BBOX1: variants seen among roughly 807,000 people sequenced by gnomAD.
The protein encoded by BBOX1 is gamma-butyrobetaine hydroxylase 1, also known as gamma-butyrobetaine dioxygenase.
Under a neutral mutation model 41.6 loss-of-function variants are expected in BBOX1, and 35 were observed. That is an observed-to-expected ratio of 0.84 (90% CI 0.64 to 1.11). The LOEUF (loss-of-function observed/expected upper bound fraction) is 1.11. Among genes scored for constraint, BBOX1 ranks in the 50% most tolerant of loss-of-function variants. The pLI is 0.00. For missense variants in BBOX1, 458 were observed against 460.6 expected, an observed-to-expected ratio of 0.99 and a Z score of 0.05; for synonymous variants, 163 against 154.7, an observed-to-expected ratio of 1.05 and a Z score of -0.40.
chr11:27,101,281 C>T (rs1274440417), intron 5 of BBOX1, among the ~76,000 whole-genome samples: 32 of 152,076 alleles, frequency 2.1e-4, no homozygotes, highest in Admixed American at 2.1e-3. Flanking sequence ...ATATTCATTG[C>T]TTTCTCCTAA....
intron 8 of BBOX1, 67 bp from the exon 9 acceptor site, chr11:27,127,226 A>T: frequency 6.6e-7 from 1 of 1,518,808 alleles, no homozygotes; most frequent in Non-Finnish European, 9.0e-7. Context: ...TTTGCATGTT[A>T]CATTTTCTAG....
chr11:27,093,954 G>A (rs1345146759), intron 5 of BBOX1, among the ~76,000 whole-genome samples: 1 of 151,918 alleles, frequency 6.6e-6, no homozygotes, highest in East Asian at 1.9e-4. Flanking sequence ...CAGGTGAGAT[G>A]AAAGACTGTG....
At chr11:27,060,785 C>G (rs1261851530) in intron 4 of BBOX1, among the ~76,000 whole-genome samples, 1 of 152,150 alleles carries the variant, frequency 6.6e-6, no homozygotes, top group Non-Finnish European at 1.5e-5. Context: ...TTTCTTTAGT[C>G]TCACCATTCT....
Position 27,115,479 on chromosome 11 carries a change from C to T in BBOX1, c.561C>T (p.Ile187=), listed in dbSNP as rs776438780. The T allele has an allele frequency of 9.3e-6, 15 of 1,609,996 alleles. No homozygotes were observed. The highest frequency in any genetic ancestry group is 1.3e-5 in the African/African-American group (1 of 74,552). ...YGHTWQVQDK[I]DANNVAYTTG... is the part of the protein sequence containing the mutation. ...ATACTTGGCAAGTGCAAGACAAAAT[C>T]GATGCAAACAATGTGGCTTACACAA... Residue 187 remains isoleucine (I), a synonymous_variant, in exon 6 of 9, where the codon ATC becomes ATT. Coordinates refer to ENST00000263182, the MANE Select transcript of BBOX1 (RefSeq NM_003986.3).
At position 27,046,295 on chromosome 11, in the gene BBOX1, AAAG is replaced by A. The variant is rs1480416573; in HGVS notation, c.-39+4818_-39+4820del. 4.6e-5 allele frequency: 7 copies of A among 152,174 alleles called. 1 individual carries two copies. Among genetic ancestry groups the A allele is most frequent in the African/African-American group, 1.4e-4 (6 of 41,458 alleles). The allele number at this position is 152,174 out of a possible 1,614,324, so 9.4% of individuals were successfully genotyped here. A position where few individuals can be genotyped will look rare whatever the true frequency, so the allele number is the denominator to read the frequency against. On this transcript the variant is annotated intron_variant, in intron 2 of 8. Coordinates refer to ENST00000263182, the MANE Select transcript of BBOX1 (RefSeq NM_003986.3). ...TTTGTAATATTAAGAAAAAGAAAAA[AAAG>A]GAGAAAACCCACACCCATCACTGAA...
intron 7 of BBOX1, among the ~76,000 whole-genome samples, chr11:27,123,417 G>T (rs1252397020): frequency 6.6e-6 from 1 of 152,138 alleles, no homozygotes; most frequent in Non-Finnish European, 1.5e-5. Flanking sequence ...AAATCAAGGA[G>T]CTATGGTAAT....
intron 2 of BBOX1, among the ~76,000 whole-genome samples, chr11:27,050,952 TATG>T (rs1452125047): frequency 1.3e-5 from 2 of 152,120 alleles, no homozygotes; most frequent in Admixed American, 6.6e-5. Flanking sequence ...CATCAGTGAA[TATG>T]ATGTTAGCTG....
chr11:27,046,012 T>A (rs1403603948), intron 2 of BBOX1, among the ~76,000 whole-genome samples: 3 of 152,164 alleles, frequency 2.0e-5, no homozygotes, highest in African/African-American at 7.2e-5. Flanking sequence ...AGCTGGCAAA[T>A]CCAGGTTTGG....
intron 4 of BBOX1, among the ~76,000 whole-genome samples, chr11:27,062,404 C>G (rs143829072): frequency 1.3e-3 from 197 of 152,186 alleles, no homozygotes; most frequent in African/African-American, 4.6e-3. Context: ...CTTTTAAAGC[C>G]AGAGAAATGA....
chr11:27,109,737 T>A, intron 5 of BBOX1, among the ~76,000 whole-genome samples: 1 of 151,978 alleles, frequency 6.6e-6, no homozygotes, highest in Non-Finnish European at 1.5e-5. Context: ...CAGTAAGAGC[T>A]TCTGACAGAG....
intron 4 of BBOX1, among the ~76,000 whole-genome samples, chr11:27,084,688 A>G (rs1455869013): frequency 1.3e-5 from 2 of 152,160 alleles, no homozygotes; most frequent in Non-Finnish European, 2.9e-5. Context: ...CTCTTGAAAT[A>G]ACACATTGCA....
At chr11:27,067,199 G>A (rs1013988296) in intron 4 of BBOX1, among the ~76,000 whole-genome samples, 1 of 151,856 alleles carries the variant, frequency 6.6e-6, no homozygotes, top group African/African-American at 2.4e-5. Context: ...TTTCTTTTTT[G>A]TTTGTTTTAA....
At chr11:27,071,027 T>C (rs1048918208) in intron 4 of BBOX1, among the ~76,000 whole-genome samples, 1 of 152,138 alleles carries the variant, frequency 6.6e-6, no homozygotes, top group African/African-American at 2.4e-5. Context: ...CCTTCATTTA[T>C]GGAACTTAGT....
chr11:27,045,566 T>C (rs948689801), intron 2 of BBOX1, among the ~76,000 whole-genome samples: 1 of 152,262 alleles, frequency 6.6e-6, no homozygotes, highest in Non-Finnish European at 1.5e-5. Context: ...GGCTGTGGGT[T>C]TGTCATAAGT....
rs1285692018 is a variant in BBOX1 at position 27,093,216 on chromosome 11, A to G, written c.383A>G (p.Glu128Gly). 1.2e-6 allele frequency: 2 copies of G among 1,612,380 alleles called. No homozygotes were observed. The highest frequency in any genetic ancestry group is 3.3e-5 in the Admixed American group (2 of 59,818). Reference sequence around the variant, plus strand: ...CTCCAGCTACCCACTTTGGATTTTGAAGATGTTTTAAGATATGATGAACAC... The same window carrying G: ...CTCCAGCTACCCACTTTGGATTTTGGAGATGTTTTAAGATATGATGAACAC... Reference protein sequence around the residue: ...SELQLPTLDFEDVLRYDEHAY... With the variant: ...SELQLPTLDFGDVLRYDEHAY... Residue 128 changes from glutamate (E) to glycine (G), a missense_variant, in exon 5 of 9, where the codon GAA (glutamate) becomes GGA (glycine). Glu to Gly is a moderately conservative substitution (Grantham distance 98, BLOSUM62 -2). Transcript: ENST00000263182.
intron 2 of BBOX1, among the ~76,000 whole-genome samples, chr11:27,054,017 T>C (rs1273799717): frequency 6.6e-6 from 1 of 152,188 alleles, no homozygotes; most frequent in Non-Finnish European, 1.5e-5. Flanking sequence ...AGGAAGCATA[T>C]GTGAAACCAC....
At chr11:27,072,232 A>G (rs1254197195) in intron 4 of BBOX1, among the ~76,000 whole-genome samples, 5 of 152,224 alleles carry the variant, frequency 3.3e-5, no homozygotes, top group African/African-American at 4.8e-5. Context: ...ATCTCAGGAT[A>G]CAAAATCAAT....
At position 27,057,320 on chromosome 11, in the gene BBOX1, C is replaced by T. The variant is rs1452373996; in HGVS notation, c.334+5C>T. 9.4e-6 allele frequency: 15 copies of T among 1,600,710 alleles called. No individual in the cohort carries two copies. The East Asian group carries it at 3.1e-4, about 33-fold the overall frequency. ...AAAGAGAATTGTTTTTTCCAGGTAA[C>T]TTTGCCAAAGTCTTCAATGTCTTTT... On this transcript the variant is annotated splice_donor_5th_base_variant and intron_variant, in intron 4 of 8. Coordinates refer to ENST00000263182, the MANE Select transcript of BBOX1 (RefSeq NM_003986.3).
chr11:27,083,423 A>G (rs572000644), intron 4 of BBOX1, among the ~76,000 whole-genome samples: 1 of 152,158 alleles, frequency 6.6e-6, no homozygotes, highest in South Asian at 2.1e-4. Context: ...CATCTGGTAC[A>G]CGCCCTCTTG....
Sources: allele counts gnomAD v4.1 joint callset (sites outside exome capture counted in the v4.1 genomes callset), GRCh38; gene constraint gnomAD v4.1.1; transcripts MANE v1.5; gene names NCBI Gene and HGNC (gene_info 2026-07-23, HGNC 2026-07-21).